The following DPP10 variants were observed in gnomAD, a reference collection of about 807,000 sequenced individuals.
DPP10 encodes inactive dipeptidyl peptidase 10.
In DPP10, 33 loss-of-function variants were observed where a neutral mutation model predicts 120.9. The observed-to-expected ratio is 0.27, with a 90% CI of 0.21 to 0.37. DPP10 has a LOEUF of 0.37. Among genes scored for constraint, DPP10 ranks in the 10% least tolerant of loss-of-function variants. The pLI is 1.00. For synonymous variants in DPP10, 337 were observed against 326.1 expected (o/e 1.03, Z -0.36); for missense variants, 816 against 942.8 (o/e 0.87, Z 1.76).
At chr2:115,791,537 A>G (rs1237296526) in intron 19 of DPP10, among the ~76,000 whole-genome samples, 181 bp downstream of exon 19, 1 of 152,166 alleles carries the variant, frequency 6.6e-6, no homozygotes, top group Non-Finnish European at 1.5e-5. Flanking sequence ...AAGATGTGTA[A>G]ATTTTTTTGA....
At chr2:115,350,912 A>T (rs2063985141) in intron 3 of DPP10, among the ~76,000 whole-genome samples, 2 of 152,254 alleles carry the variant, frequency 1.3e-5, no homozygotes, top group South Asian at 4.1e-4. Context: ...GAATGCCTAT[A>T]TGGTGTTGCT....
At chr2:114,634,506 A>G (rs1379959937) in intron 1 of DPP10, among the ~76,000 whole-genome samples, 1 of 151,870 alleles carries the variant, frequency 6.6e-6, no homozygotes, top group African/African-American at 2.4e-5. Flanking sequence ...TGGTTGCAGA[A>G]GTAAACCCTT....
At chr2:114,810,683 A>T (rs547201127) in intron 1 of DPP10, among the ~76,000 whole-genome samples, 8 of 152,298 alleles carry the variant, frequency 5.3e-5, no homozygotes, top group Non-Finnish European at 1.5e-5. Flanking sequence ...GTTTTATGTT[A>T]CTATATTGGT....
At chr2:115,601,182 A>C (rs912783791) in intron 5 of DPP10, among the ~76,000 whole-genome samples, 1 of 152,216 alleles carries the variant, frequency 6.6e-6, no homozygotes. Flanking sequence ...GGTTTGTCAA[A>C]GACCACCTTA....
At chr2:115,806,512 G>T (rs1447033617) in intron 19 of DPP10, among the ~76,000 whole-genome samples, 2 of 152,014 alleles carry the variant, frequency 1.3e-5, no homozygotes, top group African/African-American at 4.8e-5. Flanking sequence ...TTTTTAGAAT[G>T]CAGGTAAAGG....
Position 115,194,204 on chromosome 2 carries a change from C to T in DPP10, c.61-115035C>T, listed in dbSNP as rs543541656. Among the ~76,000 whole-genome samples, 4 of 151,378 alleles carry T rather than the reference C, an allele frequency of 2.6e-5. No homozygotes were observed. In the South Asian group the frequency reaches 6.2e-4, roughly 24 times the overall value. On this transcript the variant is annotated intron_variant, in intron 1 of 25. Transcript: ENST00000410059. ...CGATTGAATGCATTTGGGCCATCTG[C>T]GGGTTACTGGGTTAAGGAGTTTGTT... is the stretch of plus-strand genomic sequence containing the variant.
chr2:114,670,896 G>GGT (rs1244713013), intron 1 of DPP10, among the ~76,000 whole-genome samples: 1 of 151,934 alleles, frequency 6.6e-6, no homozygotes, highest in African/African-American at 2.4e-5. Context: ...GAATGATGAT[G>GGT]GTGTGATTAT....
At chr2:115,215,265 T>C (rs559015024) in intron 1 of DPP10, among the ~76,000 whole-genome samples, 1 of 152,294 alleles carries the variant, frequency 6.6e-6, no homozygotes, top group South Asian at 2.1e-4. Flanking sequence ...GAAATATCTT[T>C]GTTTGTTTTT....
chr2:115,184,724 A>G (rs1009114615), intron 1 of DPP10, among the ~76,000 whole-genome samples: 4 of 152,230 alleles, frequency 2.6e-5, no homozygotes, highest in Non-Finnish European at 4.4e-5. Context: ...TACAGGAGAT[A>G]GATATCCTAA....
chr2:114,574,760 G>A (rs184468194), intron 1 of DPP10, among the ~76,000 whole-genome samples: 1 of 152,188 alleles, frequency 6.6e-6, no homozygotes, highest in Non-Finnish European at 1.5e-5. Flanking sequence ...GTGAGAGAAT[G>A]CAACTCTTTT....
intron 2 of DPP10, among the ~76,000 whole-genome samples, chr2:115,330,038 G>A (rs1173499523): frequency 6.6e-6 from 1 of 152,240 alleles, no homozygotes; most frequent in East Asian, 1.9e-4. Flanking sequence ...GGTTGAACTA[G>A]TTTGCAGTCC....
intron 1 of DPP10, among the ~76,000 whole-genome samples, chr2:114,758,049 T>C (rs1462318286): frequency 6.6e-6 from 1 of 152,168 alleles, no homozygotes; most frequent in East Asian, 1.9e-4. Context: ...GTTGCCTGAC[T>C]CCAGAGTTCC....
chr2:115,757,650 A>T (rs1292803452), intron 11 of DPP10, among the ~76,000 whole-genome samples: 3 of 152,134 alleles, frequency 2.0e-5, no homozygotes, highest in Admixed American at 1.3e-4. Context: ...ATATCAGCAC[A>T]AATATGAGAA....
chr2:115,733,197 A>G (rs1365736186), intron 8 of DPP10, among the ~76,000 whole-genome samples: 3 of 152,204 alleles, frequency 2.0e-5, no homozygotes, highest in African/African-American at 7.2e-5. Context: ...GAAATAAAAC[A>G]GGGCAAAATG....
chr2:115,068,020 G>T (rs975129227), intron 1 of DPP10, among the ~76,000 whole-genome samples: 4 of 151,900 alleles, frequency 2.6e-5, no homozygotes, highest in African/African-American at 9.7e-5. Context: ...GAATAATGCT[G>T]CAGTGAACAC....
At chr2:115,652,409 ATGTGTGTG>A (rs71394158) in intron 5 of DPP10, among the ~76,000 whole-genome samples, 7 of 145,576 alleles carry the variant, frequency 4.8e-5, no homozygotes, top group African/African-American at 1.8e-4. Flanking sequence ...TAGGATATAT[ATGTGTGTG>A]TGTGTGTGTG....
chr2:114,943,685 G>A (rs1697141314), intron 1 of DPP10, among the ~76,000 whole-genome samples: 1 of 152,124 alleles, frequency 6.6e-6, no homozygotes, highest in Non-Finnish European at 1.5e-5. Context: ...TGTCTTTATA[G>A]TAAAATGATT....
At chr2:115,060,426 C>A (rs983275956) in intron 1 of DPP10, among the ~76,000 whole-genome samples, 1 of 151,900 alleles carries the variant, frequency 6.6e-6, no homozygotes. Context: ...AACCCTGTTT[C>A]TATAAAATAT....
intron 1 of DPP10, among the ~76,000 whole-genome samples, chr2:115,111,557 G>T (rs2049222269): frequency 6.6e-6 from 1 of 152,254 alleles, no homozygotes; most frequent in Non-Finnish European, 1.5e-5. Context: ...TGGGGTGTAG[G>T]TTCCACCCAG....
Sources: gnomAD v4.1 joint callset for allele counts (sites outside exome capture counted in the v4.1 genomes callset) on GRCh38, gnomAD v4.1.1 for gene constraint, MANE v1.5 for transcripts, NCBI Gene and HGNC (gene_info 2026-07-23, HGNC 2026-07-21) for gene names.